Variants in SEPTIN11 observed in about 807,000 individuals in gnomAD.
SEPTIN11 encodes the protein septin 11.
In SEPTIN11, 25 loss-of-function variants were observed where a neutral mutation model predicts 51.4. The ratio of observed to expected loss-of-function variants is 0.49; its 90% CI spans 0.35 to 0.68. The LOEUF (loss-of-function observed/expected upper bound fraction) is 0.68. Among genes scored for constraint, SEPTIN11 ranks in the 30% least tolerant of loss-of-function variants. The probability of loss-of-function intolerance (pLI) is 0.00; values close to 1 mark genes in which losing one functional copy is unlikely to be tolerated. For missense variants in SEPTIN11, 381 were observed against 520.8 expected, an observed-to-expected ratio of 0.73 and a Z score of 2.61; for synonymous variants, 174 against 184.1, an observed-to-expected ratio of 0.95 and a Z score of 0.44.
At position 77,035,776 on chromosome 4, in the gene SEPTIN11, G is replaced by A; in HGVS notation, c.*1264G>A. On this transcript the variant is annotated 3_prime_UTR_variant, in exon 10 of 10. Coordinates refer to ENST00000264893, the MANE Select transcript of SEPTIN11 (RefSeq NM_018243.4). ...AGAACTGGCCCATATGCCAGAACCT[G>A]TACTAAATGCCTAATTTGTATGGAA... 1.0e-6 allele frequency: 1 copy of A among 985,836 alleles called. No individual in the cohort carries two copies. Among genetic ancestry groups the A allele is most frequent in the Non-Finnish European group, 1.2e-6 (1 of 829,916 alleles). The allele number at this position is 985,836 out of a possible 1,614,324, so 61.1% of individuals were successfully genotyped here. A position where few individuals can be genotyped will look rare whatever the true frequency, so the allele number is the denominator to read the frequency against.
intron 1 of SEPTIN11, among the ~76,000 whole-genome samples, chr4:76,959,333 C>G (rs1355864448): frequency 1.0e-4 from 15 of 149,490 alleles, no homozygotes; most frequent in African/African-American, 3.7e-4. Context: ...AGGTTTGTCT[C>G]AAACCCCTGG....
intron 1 of SEPTIN11, among the ~76,000 whole-genome samples, chr4:76,955,926 G>A (rs112051726): frequency 6.6e-6 from 1 of 152,172 alleles, no homozygotes; most frequent in East Asian, 1.9e-4. Flanking sequence ...TGGTGGGGCT[G>A]GGGGGGAAGA....
At chr4:76,992,491 A>C (rs1319084737) in intron 1 of SEPTIN11, among the ~76,000 whole-genome samples, 2 of 152,188 alleles carry the variant, frequency 1.3e-5, no homozygotes, top group African/African-American at 4.8e-5. Context: ...TGACTTTACT[A>C]GTTGGGAAAC....
chr4:77,025,477 C>T (rs901460126), intron 7 of SEPTIN11, among the ~76,000 whole-genome samples: 2 of 151,652 alleles, frequency 1.3e-5, no homozygotes, highest in East Asian at 1.9e-4. Context: ...CCCAGGAGTT[C>T]GAGCGTATGG....
intron 9 of SEPTIN11, 160 bp downstream of exon 9, chr4:77,031,130 A>T: frequency 1.5e-6 from 1 of 672,914 alleles, no homozygotes. Context: ...AGGTTTTTAA[A>T]TTTTTTTAAA....
intron 3 of SEPTIN11, among the ~76,000 whole-genome samples, chr4:77,011,219 C>G (rs1724838608): frequency 6.6e-6 from 1 of 152,096 alleles, no homozygotes; most frequent in African/African-American, 2.4e-5. Context: ...GGTGTCATAT[C>G]CTGAAACCAC....
intron 7 of SEPTIN11, chr4:77,020,910 G>A: frequency 2.1e-6 from 1 of 477,212 alleles, no homozygotes; most frequent in South Asian, 2.7e-5. Flanking sequence ...GGCACTGAAA[G>A]TGTAAACAAA....
intron 1 of SEPTIN11, among the ~76,000 whole-genome samples, chr4:76,953,265 A>G (rs1721419420): frequency 6.6e-6 from 1 of 152,198 alleles, no homozygotes; most frequent in Non-Finnish European, 1.5e-5. Context: ...GCAGTGGACA[A>G]GTTTTCTTCT....
chr4:76,985,168 G>A (rs530181918), intron 1 of SEPTIN11: 1 of 152,326 alleles, frequency 6.6e-6, no homozygotes, highest in South Asian at 2.1e-4. Context: ...TTAGTCACTT[G>A]TGCTCAGAGA....
At chr4:76,953,095 G>A (rs768352357) in intron 1 of SEPTIN11, among the ~76,000 whole-genome samples, 23 of 152,182 alleles carry the variant, frequency 1.5e-4, no homozygotes, top group Non-Finnish European at 1.6e-4. Flanking sequence ...TTCACTGGTG[G>A]TGGAGATTTC....
chr4:77,016,651 TATATACAC>T (rs1725319311), intron 5 of SEPTIN11, among the ~76,000 whole-genome samples: 2 of 121,390 alleles, frequency 1.6e-5, no homozygotes, highest in East Asian at 2.3e-4. Flanking sequence ...TATATATATA[TATATACAC>T]ATATATATAT....
chr4:77,032,223 A>G (rs1053713508), intron 9 of SEPTIN11: 2 of 152,240 alleles, frequency 1.3e-5, no homozygotes, highest in Non-Finnish European at 2.9e-5. Flanking sequence ...ACAGCAGAAA[A>G]TGTATCACCA....
chr4:77,015,948 G>T (rs1725192534), intron 5 of SEPTIN11, among the ~76,000 whole-genome samples: 1 of 152,184 alleles, frequency 6.6e-6, no homozygotes, highest in Non-Finnish European at 1.5e-5. Context: ...TGAGATGGAA[G>T]ATACACCTTA....
chr4:76,995,916 G>C, intron 1 of SEPTIN11: 1 of 1,535,670 alleles, frequency 6.5e-7, no homozygotes, highest in Non-Finnish European at 8.7e-7. Flanking sequence ...GTGCTGAGAA[G>C]TTTTAAATAT....
intron 2 of SEPTIN11, among the ~76,000 whole-genome samples, chr4:77,002,948 C>T (rs375178879): frequency 6.6e-6 from 1 of 152,108 alleles, no homozygotes; most frequent in Non-Finnish European, 1.5e-5. Context: ...ACACAGTGAG[C>T]GCCCAAGCAT....
chr4:77,002,232 G>A (rs1229580220), intron 2 of SEPTIN11, among the ~76,000 whole-genome samples: 2 of 152,184 alleles, frequency 1.3e-5, no homozygotes, highest in Non-Finnish European at 2.9e-5. Flanking sequence ...CTAATTGTTT[G>A]TAATTTCCAC....
chr4:76,958,106 C>G (rs917064092), intron 1 of SEPTIN11, among the ~76,000 whole-genome samples: 14 of 152,192 alleles, frequency 9.2e-5, no homozygotes, highest in Non-Finnish European at 1.2e-4. Context: ...GAAAATTCAC[C>G]CTTCAGATAA....
At chr4:76,964,323 T>A (rs1184952977) in intron 1 of SEPTIN11, among the ~76,000 whole-genome samples, 1 of 138,486 alleles carries the variant, frequency 7.2e-6, no homozygotes, top group Non-Finnish European at 1.5e-5. Context: ...TTTTTGCATC[T>A]CCCCCTCCCA....
chr4:77,029,648 T>C (rs145452235), intron 8 of SEPTIN11, among the ~76,000 whole-genome samples: 30 of 152,152 alleles, frequency 2.0e-4, no homozygotes, highest in African/African-American at 7.2e-4. Context: ...TCCTTTCCTT[T>C]TCTTTTTCAT....
Sources: gnomAD v4.1 joint callset for allele counts (sites outside exome capture counted in the v4.1 genomes callset) on GRCh38, gnomAD v4.1.1 for gene constraint, MANE v1.5 for transcripts, NCBI Gene and HGNC (gene_info 2026-07-23, HGNC 2026-07-21) for gene names.